The following SIK2 variants were observed in gnomAD, a reference collection of about 807,000 sequenced individuals.
The protein encoded by SIK2 is serine/threonine-protein kinase SIK2.
A neutral mutation model predicts 103.2 loss-of-function variants in SIK2; 29 were observed. That is an observed-to-expected ratio of 0.28 (90% CI 0.21 to 0.38). The LOEUF is 0.38. SIK2 is among the 10% of genes least tolerant of loss of function. The pLI is 1.00. For synonymous variants in SIK2, 412 were observed against 446.1 expected (o/e 0.92, Z 0.96); for missense variants, 879 against 1,171.0 (o/e 0.75, Z 3.64).
chr11:111,710,922 A>T (rs1438736622), intron 8 of SIK2, among the ~76,000 whole-genome samples: 2 of 152,220 alleles, frequency 1.3e-5, no homozygotes, highest in Non-Finnish European at 2.9e-5. Context: ...CCGGAAAAAT[A>T]CAGGCTGTCC....
chr11:111,702,533 C>A (rs977544920), intron 6 of SIK2, among the ~76,000 whole-genome samples: 2 of 152,190 alleles, frequency 1.3e-5, no homozygotes, highest in African/African-American at 4.8e-5. Flanking sequence ...TGCATTACTG[C>A]ACTCCATCCT....
intron 3 of SIK2, among the ~76,000 whole-genome samples, chr11:111,636,860 A>G (rs1214524641): frequency 6.6e-6 from 1 of 152,180 alleles, no homozygotes; most frequent in African/African-American, 2.4e-5. Context: ...AAAGCGATTC[A>G]ATTCCTGATC....
chr11:111,715,793 C>CTTTTTTTTTTTTTTTTTTTTTT (rs535843069), intron 9 of SIK2, among the ~76,000 whole-genome samples: 1 of 81,580 alleles, frequency 1.2e-5, no homozygotes, highest in African/African-American at 4.9e-5. Context: ...TCATTTTTAG[C>CTTTTTTTTTTTTTTTTTTTTTT]TTTTTTTTTT....
intron 3 of SIK2, among the ~76,000 whole-genome samples, chr11:111,625,316 G>C (rs190753164): frequency 3.1e-4 from 47 of 152,208 alleles, no homozygotes; most frequent in Non-Finnish European, 6.0e-4. Context: ...TCCAGTGAGG[G>C]GTGTTGACAG....
In SIK2 at chr11:111,632,551, A is replaced by G. The variant is rs898416353; in HGVS notation, c.316+12149A>G. ...TTCATCCTCTCAGAAACCTTATAAG[A>G]TGGATTTTACAGTTGAAGAAACTGA... On this transcript the variant is annotated intron_variant, in intron 3 of 14. Transcript: ENST00000304987. Among the ~76,000 whole-genome samples, 4 of 152,224 alleles carry G rather than the reference A, an allele frequency of 2.6e-5. No individual in the cohort carries two copies. In the East Asian group the frequency reaches 7.7e-4, roughly 29 times the overall value.
At chr11:111,669,856 C>G (rs1305482312) in intron 3 of SIK2, among the ~76,000 whole-genome samples, 1 of 152,090 alleles carries the variant, frequency 6.6e-6, no homozygotes, top group Non-Finnish European at 1.5e-5. Flanking sequence ...CTTTCCAAAC[C>G]CTGCTCCATA....
intron 3 of SIK2, among the ~76,000 whole-genome samples, chr11:111,646,579 T>C (rs954095088): frequency 1.3e-5 from 2 of 152,152 alleles, no homozygotes; most frequent in Non-Finnish European, 2.9e-5. Context: ...AATGTCCCTT[T>C]TTCATCTTTC....
At chr11:111,706,528 T>A (rs1398564134) in intron 8 of SIK2, among the ~76,000 whole-genome samples, 3 of 152,252 alleles carry the variant, frequency 2.0e-5, no homozygotes, top group African/African-American at 7.2e-5. Context: ...TTTGTATTTC[T>A]TTGGCAGTTT....
chr11:111,668,177 G>GGGGTGTGTGTGTGTGT (rs72041846), intron 3 of SIK2, among the ~76,000 whole-genome samples: 1 of 129,858 alleles, frequency 7.7e-6, no homozygotes, highest in Admixed American at 7.2e-5. Flanking sequence ...ACTAAAGTAA[G>GGGGTGTGTGTGTGTGT]GAGTGTGTGT....
chr11:111,723,926 G>A lies in SIK2; in HGVS notation c.2578G>A (p.Asp860Asn). Residue 860 changes from aspartate (D) to asparagine (N), a missense_variant, in exon 15 of 15, where the codon GAC (aspartate) becomes AAC (asparagine). By Grantham distance (23) the Asp-to-Asn change is conservative. This residue lies in a region of SIK2 where 375 missense variants were observed against 416.3 expected (regional missense o/e 0.90). Coordinates refer to ENST00000304987, the MANE Select transcript of SIK2 (RefSeq NM_015191.3). ...GCCAAGCGCTGCTTCCCCTGCGCCA[G>A]ACTATCCCACTCCCTGTCAGTATCC... ...ELPSAASPAP[D>N]YPTPCQYPVD... 6.2e-7 allele frequency: 1 copy of A among 1,613,852 alleles called. No individual in the cohort carries two copies. The highest frequency in any genetic ancestry group is 8.5e-7 in the Non-Finnish European group (1 of 1,179,912).
At chr11:111,703,548 C>T in intron 7 of SIK2, 125 bp downstream of exon 7, 5 of 742,998 alleles carry the variant, frequency 6.7e-6, no homozygotes, top group Non-Finnish European at 8.8e-6. Context: ...TCAGTGTTCC[C>T]TATAGATGAC....
rs1427820580 is a variant in SIK2 at position 111,705,104 on chromosome 11, C to T, written c.1066C>T (p.Arg356Trp). The change falls in exon 8 of 15, where the codon CGG becomes TGG. Residue 356 changes from arginine (R) to tryptophan (W), a missense_variant. Arg to Trp is a moderately radical substitution (Grantham distance 101). Around this residue, in one of 7 missense-constraint regions of SIK2, gnomAD observed 99 missense variants for 153.9 expected, o/e 0.64. Transcript: ENST00000304987. This position sits in a 1 kb window ranked among gnomAD's most constrained non-coding sequence, Gnocchi z 4.3. The part of the protein sequence containing the change: ...VEQRLDGRQR[R>W]PSTIAEQTVA... ...GCAGAGACTTGATGGCCGCCAGCGTCGGCCTAGCACCATTGCTGAGCAAAC... is the reference window on the plus strand; with the variant it reads ...GCAGAGACTTGATGGCCGCCAGCGTTGGCCTAGCACCATTGCTGAGCAAAC... The T allele has an allele frequency of 1.3e-6, 2 of 1,591,980 alleles. No individual in the cohort carries two copies. Among genetic ancestry groups the T allele is most frequent in the Non-Finnish European group, 1.7e-6 (2 of 1,173,264 alleles).
intron 4 of SIK2, among the ~76,000 whole-genome samples, chr11:111,700,385 T>C (rs1319909375): frequency 2.0e-5 from 3 of 151,844 alleles, no homozygotes; most frequent in Admixed American, 6.6e-5. Flanking sequence ...ACTTAGAGGG[T>C]TGTTACTTAG....
Position 111,728,910 on chromosome 11 carries a change from C to G in SIK2, c.*4781C>G, listed in dbSNP as rs1183352128. Reference sequence around the variant, plus strand: ...CTGCACTCCAGCCTGGGCGACAGAGCAAGACTCCACCTCAAAAAAAAAAAA... The same window carrying G: ...CTGCACTCCAGCCTGGGCGACAGAGGAAGACTCCACCTCAAAAAAAAAAAA... On this transcript the variant is annotated 3_prime_UTR_variant, in exon 15 of 15. Coordinates refer to ENST00000304987, the MANE Select transcript of SIK2 (RefSeq NM_015191.3). The G allele has an allele frequency of 2.1e-5, 3 of 141,860 alleles. No individual in the cohort carries two copies. Among genetic ancestry groups the G allele is most frequent in the Non-Finnish European group, 3.0e-5 (2 of 66,348 alleles). The allele number at this position is 141,860 out of a possible 1,614,324, so 8.8% of individuals were successfully genotyped here.
At chr11:111,681,891 C>G (rs1325610978) in intron 3 of SIK2, among the ~76,000 whole-genome samples, 1 of 152,176 alleles carries the variant, frequency 6.6e-6, no homozygotes, top group Non-Finnish European at 1.5e-5. Flanking sequence ...GTTCCAGCAT[C>G]TTAAATATCA....
chr11:111,661,412 C>T (rs1013480130), intron 3 of SIK2, among the ~76,000 whole-genome samples: 1 of 152,142 alleles, frequency 6.6e-6, no homozygotes, highest in Non-Finnish European at 1.5e-5. Context: ...TTACCAAGAG[C>T]CCTGATGCCT....
At chr11:111,616,138 C>T (rs1157769539) in intron 1 of SIK2, 105 bp from the exon 2 acceptor site, 4 of 690,624 alleles carry the variant, frequency 5.8e-6, no homozygotes, top group Admixed American at 5.2e-5. Flanking sequence ...TCATCAGTGT[C>T]AGGAACCTAC....
At chr11:111,696,111 T>C (rs2135910767) in intron 4 of SIK2, among the ~76,000 whole-genome samples, 1 of 152,294 alleles carries the variant, frequency 6.6e-6, no homozygotes, top group South Asian at 2.1e-4. Flanking sequence ...TGATCTGTAA[T>C]TAAAGACTCT....
At chr11:111,723,077 G>A (rs904372248) in intron 14 of SIK2, among the ~76,000 whole-genome samples, 5 of 152,138 alleles carry the variant, frequency 3.3e-5, no homozygotes, top group African/African-American at 9.7e-5. Flanking sequence ...GGAGCCTTCC[G>A]TCCTCCCTTA....
Sources: gnomAD v4.1 joint callset for allele counts (sites outside exome capture counted in the v4.1 genomes callset) on GRCh38, gnomAD v4.1.1 for gene constraint, gnomAD v4.1.1 regional missense constraint, Gnocchi (gnomAD v3.1) non-coding constraint, MANE v1.5 for transcripts, NCBI Gene and HGNC (gene_info 2026-07-23, HGNC 2026-07-21) for gene names.